TRERF1: variants seen among roughly 807,000 people sequenced by gnomAD.
TRERF1 encodes the protein transcriptional-regulating factor 1.
In TRERF1, 27 loss-of-function variants were observed where a neutral mutation model predicts 122.9. The ratio of observed to expected loss-of-function variants is 0.22; its 90% CI spans 0.16 to 0.30. TRERF1 has a LOEUF of 0.30. Ranked by LOEUF, TRERF1 falls within the 10% of genes least tolerant of loss-of-function variation. The probability of loss-of-function intolerance (pLI) is 1.00; values close to 1 mark genes in which losing one functional copy is unlikely to be tolerated. For synonymous variants in TRERF1, 636 were observed against 641.7 expected, an observed-to-expected ratio of 0.99 and a Z score of 0.13; for missense variants, 1,248 against 1,560.3, an observed-to-expected ratio of 0.80 and a Z score of 3.37.
intron 15 of TRERF1, among the ~76,000 whole-genome samples, 154 bp downstream of exon 15, chr6:42,243,094 T>G (rs1334144174): frequency 6.6e-6 from 1 of 152,006 alleles, no homozygotes; most frequent in East Asian, 1.9e-4. Context: ...CTCAGGAGGG[T>G]AGGTCCTGAA....
In TRERF1 at chr6:42,269,056, T is replaced by C; in HGVS notation, c.535A>G (p.Ser179Gly). The C allele has an allele frequency of 1.2e-6, 2 of 1,614,180 alleles. No homozygotes were observed. ...TGAGACAGCAGCTGGCGGAGAGCAC[T>C]GTCAGGGGCTCCATCCATCACTGCT... The change falls in exon 5 of 18, where the codon AGT (serine) becomes GGT (glycine). Residue 179 changes from serine (S) to glycine (G), a missense_variant. Around this residue, in one of 5 missense-constraint regions of TRERF1, gnomAD observed 946 missense variants for 1,073.0 expected, o/e 0.88. Coordinates refer to ENST00000372922, the Ensembl canonical transcript of TRERF1. This position sits in a 1 kb window ranked among gnomAD's most constrained non-coding sequence, Gnocchi z 4.9.
chr6:42,394,889 G>T (rs1186966942), intron 2 of TRERF1, among the ~76,000 whole-genome samples: 1 of 152,258 alleles, frequency 6.6e-6, no homozygotes. Flanking sequence ...CCAACACATT[G>T]TGCTTTAATG....
rs1442651429 is a variant in TRERF1, at chr6:42,265,806, G to T, written c.1438-9C>A. 6.2e-7 allele frequency: 1 copy of T among 1,612,766 alleles called. No homozygotes were observed. ...CCATCAGGTAGGTGCATCTAATTTTGAGCCAAACAGGACACCGAAAAAAAG... is the reference window on the plus strand; with the variant it reads ...CCATCAGGTAGGTGCATCTAATTTTTAGCCAAACAGGACACCGAAAAAAAG... On this transcript the variant is annotated splice_polypyrimidine_tract_variant and intron_variant, in intron 5 of 17. Coordinates refer to ENST00000372922, the Ensembl canonical transcript of TRERF1.
intron 4 of TRERF1, among the ~76,000 whole-genome samples, chr6:42,293,384 G>A (rs776442556): frequency 2.6e-5 from 4 of 152,148 alleles, no homozygotes; most frequent in East Asian, 1.9e-4. Flanking sequence ...AAAGGCGCCC[G>A]GTCCCAGGCC....
intron 13 of TRERF1, among the ~76,000 whole-genome samples, chr6:42,246,874 C>A (rs567432435): frequency 6.6e-6 from 1 of 152,320 alleles, no homozygotes; most frequent in South Asian, 2.1e-4. Context: ...AGCATCATCG[C>A]TGGGAAACAG....
chr6:42,241,415 C>G (rs1773664806), intron 15 of TRERF1, among the ~76,000 whole-genome samples: 1 of 152,060 alleles, frequency 6.6e-6, no homozygotes, highest in South Asian at 2.1e-4. Flanking sequence ...TATTTCATAG[C>G]TAGGATCAAT....
intron 2 of TRERF1, among the ~76,000 whole-genome samples, chr6:42,441,906 T>C (rs1026199536): frequency 3.3e-5 from 5 of 152,164 alleles, no homozygotes; most frequent in African/African-American, 7.2e-5. Flanking sequence ...GCCCACCCAC[T>C]GCCCTGGCCA....
chr6:42,392,908 G>GCA (rs1166760102), intron 2 of TRERF1, among the ~76,000 whole-genome samples: 2 of 117,604 alleles, frequency 1.7e-5, no homozygotes, highest in African/African-American at 7.9e-5. Flanking sequence ...TTAACAAGCA[G>GCA]CACACACACA....
At chr6:42,327,088 C>A (rs185959129) in intron 3 of TRERF1, among the ~76,000 whole-genome samples, 16 of 152,094 alleles carry the variant, frequency 1.1e-4, no homozygotes, top group Non-Finnish European at 1.8e-4. Context: ...CAAGTAAGGG[C>A]GGGAGGTGGG....
chr6:42,237,556 C>T (rs143327702), intron 15 of TRERF1, among the ~76,000 whole-genome samples: 45 of 152,324 alleles, frequency 3.0e-4, no homozygotes, highest in Admixed American at 9.1e-4. Context: ...TCCAGCTGCC[C>T]CTGACCTGGC....
intron 17 of TRERF1, among the ~76,000 whole-genome samples, chr6:42,231,365 C>T (rs776591772): frequency 2.6e-5 from 4 of 152,194 alleles, no homozygotes; most frequent in Non-Finnish European, 4.4e-5. Context: ...GTTGTAGCAA[C>T]ACAAAACAGA....
chr6:42,268,932 G>T lies in TRERF1; in HGVS notation c.659C>A (p.Ala220Asp), dbSNP rs772927758. 4 of 1,612,662 alleles carry T rather than the reference G, an allele frequency of 2.5e-6. No homozygotes were observed. Among genetic ancestry groups the T allele is most frequent in the East Asian group, 2.2e-5 (1 of 44,838 alleles). ...GGTAGGGTGCTGCCCGACCTGAAGA[G>T]CTGGTTTGGACAGCCCACCAGTGAA... is the stretch of plus-strand genomic sequence containing the variant. The change falls in exon 5 of 18, where the codon GCT (alanine) becomes GAT (aspartate). Residue 220 changes from alanine to aspartate, a missense_variant. Transcript: ENST00000372922. The surrounding 1 kb of genome is among the most constrained non-coding windows in gnomAD (Gnocchi z 4.4).
chr6:42,397,364 C>CCT (rs1778771105), intron 2 of TRERF1, among the ~76,000 whole-genome samples: 1 of 152,108 alleles, frequency 6.6e-6, no homozygotes. Flanking sequence ...CAGGCACCGT[C>CCT]GGGATGTACT....
intron 3 of TRERF1, among the ~76,000 whole-genome samples, chr6:42,309,720 C>G (rs967955393): frequency 4.6e-5 from 7 of 151,640 alleles, no homozygotes; most frequent in Non-Finnish European, 8.8e-5. Flanking sequence ...AGCTACTAGC[C>G]GTAAGTGGAT....
chr6:42,232,713 G>A lies in TRERF1; in HGVS notation c.3246C>T (p.Pro1082=), dbSNP rs368117941. 8.7e-6 allele frequency: 14 copies of A among 1,605,732 alleles called. No homozygotes were observed. The highest frequency in any genetic ancestry group is 1.2e-5 in the Non-Finnish European group (14 of 1,173,266). ...ACTCCTTGCAGGGGAAGATGGTGGT[G>A]GGGTCTGTCTCGCCGCTGGTGGTGC... is the stretch of plus-strand genomic sequence containing the variant. Residue 1082 remains proline (P), a synonymous_variant, in exon 17 of 18, where the codon CCC becomes CCT. Coordinates refer to ENST00000372922, the Ensembl canonical transcript of TRERF1. The surrounding 1 kb of genome is among the most constrained non-coding windows in gnomAD (Gnocchi z 4.5).
At chr6:42,445,363 C>CAG (rs1268291385) in intron 2 of TRERF1, among the ~76,000 whole-genome samples, 6 of 151,244 alleles carry the variant, frequency 4.0e-5, no homozygotes, top group Non-Finnish European at 7.4e-5. Context: ...GACACACACA[C>CAG]ACACACACAC....
chr6:42,325,448 T>C (rs1306716591), intron 3 of TRERF1, among the ~76,000 whole-genome samples: 2 of 152,144 alleles, frequency 1.3e-5, no homozygotes, highest in East Asian at 1.9e-4. Flanking sequence ...AAAAGACATA[T>C]GCAACTCATA....
At chr6:42,421,149 T>C (rs544562869) in intron 2 of TRERF1, among the ~76,000 whole-genome samples, 71 of 152,314 alleles carry the variant, frequency 4.7e-4, no homozygotes, top group Admixed American at 2.6e-3. Context: ...GCCTACCTCA[T>C]TGGGTCGTTG....
At position 42,262,448 on chromosome 6, in the gene TRERF1, G is replaced by C. The variant is rs372031940; in HGVS notation, c.1884+872C>G. On this transcript the variant is annotated intron_variant, in intron 8 of 17. Transcript: ENST00000372922. ...TTCCCTAGGGGCAGAGAGAGAGAGA[G>C]AGAGAGAGAGAGAGAGAGGAGAGAG... Among the ~76,000 whole-genome samples the C allele has an allele frequency of 7.4e-3, 221 of 29,884 alleles. 31 individuals are homozygous for C. The highest frequency in any genetic ancestry group is 0.032 in the African/African-American group (196 of 6,034). The allele number at this position is 29,884 out of a possible 152,430, so 19.6% of individuals were successfully genotyped here.
Sources: gnomAD v4.1 joint callset for allele counts (sites outside exome capture counted in the v4.1 genomes callset) on GRCh38, gnomAD v4.1.1 for gene constraint, gnomAD v4.1.1 regional missense constraint, Gnocchi (gnomAD v3.1) non-coding constraint, MANE v1.5 for transcripts, NCBI Gene and HGNC (gene_info 2026-07-23, HGNC 2026-07-21) for gene names.